The following MPP7 variants were observed in gnomAD, a reference collection of about 807,000 sequenced individuals.
MPP7 encodes the protein MAGUK p55 subfamily member 7.
In MPP7, 60 loss-of-function variants were observed where a neutral mutation model predicts 76.5. That is an observed-to-expected ratio of 0.78 (90% confidence interval 0.64 to 0.97). MPP7 has a LOEUF of 0.97. Among genes scored for constraint, MPP7 ranks in the 50% least tolerant of loss-of-function variants. The pLI is 0.00. For missense variants in MPP7, 641 were observed against 694.0 expected (o/e 0.92, Z 0.86); for synonymous variants, 237 against 244.5 (o/e 0.97, Z 0.29).
At chr10:28,231,547 C>CAAAAAAAAAAAAA (rs774583565) in intron 2 of MPP7, among the ~76,000 whole-genome samples, 2 of 129,880 alleles carry the variant, frequency 1.5e-5, no homozygotes, top group African/African-American at 2.8e-5. Context: ...ACATCAGGAC[C>CAAAAAAAAAAAAA]AAAAAAAAAA....
intron 5 of MPP7, among the ~76,000 whole-genome samples, chr10:28,141,921 A>C (rs1176861835): frequency 2.0e-5 from 3 of 152,182 alleles, no homozygotes; most frequent in Non-Finnish European, 4.4e-5. Flanking sequence ...TTCAAAACAG[A>C]TTCAGATATA....
intron 3 of MPP7, among the ~76,000 whole-genome samples, chr10:28,200,042 A>G (rs546318453): frequency 6.6e-6 from 1 of 152,316 alleles, no homozygotes; most frequent in East Asian, 1.9e-4. Context: ...GATTCACTCT[A>G]CCACAAATCT....
intron 1 of MPP7, among the ~76,000 whole-genome samples, chr10:28,264,837 T>C (rs1027048264): frequency 6.6e-6 from 1 of 152,132 alleles, no homozygotes; most frequent in African/African-American, 2.4e-5. Context: ...ATGTTCAGAA[T>C]GGTGTCTTGG....
At chr10:28,312,994 A>G (rs761821285) in intron 2 of MPP7, among the ~76,000 whole-genome samples, 1 of 152,188 alleles carries the variant, frequency 6.6e-6, no homozygotes, top group Non-Finnish European at 1.5e-5. Context: ...ATGTGCACAC[A>G]GAGGGGATGT....
chr10:28,165,896 A>C (rs181904237), intron 3 of MPP7, among the ~76,000 whole-genome samples: 1 of 151,960 alleles, frequency 6.6e-6, no homozygotes, highest in Admixed American at 6.6e-5. Flanking sequence ...GTGGTGGCGC[A>C]TGCCTGTAGT....
chr10:28,228,438 T>C (rs979165608), intron 2 of MPP7, among the ~76,000 whole-genome samples: 2 of 152,142 alleles, frequency 1.3e-5, no homozygotes, highest in African/African-American at 4.8e-5. Flanking sequence ...TGCAAACAAC[T>C]TGAACATGGG....
At chr10:28,324,334 T>C (rs1002919829) in intron 2 of MPP7, among the ~76,000 whole-genome samples, 1 of 152,194 alleles carries the variant, frequency 6.6e-6, no homozygotes, top group African/African-American at 2.4e-5. Context: ...TCTCTATAAC[T>C]GCAAGAAAGA....
intron 1 of MPP7, among the ~76,000 whole-genome samples, chr10:28,270,029 C>A (rs987419942): frequency 7.2e-5 from 11 of 152,178 alleles, no homozygotes; most frequent in Admixed American, 3.3e-4. Context: ...CCCAGAATCC[C>A]CTAGGCCTCT....
At chr10:28,275,999 C>T (rs1376751567) in intron 1 of MPP7, among the ~76,000 whole-genome samples, 1 of 151,618 alleles carries the variant, frequency 6.6e-6, no homozygotes, top group African/African-American at 2.4e-5. Context: ...GAATACTCAC[C>T]CATCCTCTTG....
chr10:28,270,498 C>A (rs1443466063), intron 1 of MPP7, among the ~76,000 whole-genome samples: 2 of 121,842 alleles, frequency 1.6e-5, no homozygotes, highest in African/African-American at 3.3e-5. Flanking sequence ...CCAGCCTGGG[C>A]AACATAACAA....
At chr10:28,155,086 A>G (rs879600699) in intron 3 of MPP7, among the ~76,000 whole-genome samples, 9 of 152,230 alleles carry the variant, frequency 5.9e-5, no homozygotes, top group South Asian at 4.2e-4. Context: ...ACAGCTTAAA[A>G]CTAGTTTTGT....
At chr10:28,064,155 G>A (rs1428398739) in intron 13 of MPP7, among the ~76,000 whole-genome samples, 1 of 152,104 alleles carries the variant, frequency 6.6e-6, no homozygotes, top group Non-Finnish European at 1.5e-5. Context: ...ATTTATAATA[G>A]CCAAAAATAG....
chr10:28,205,189 A>T (rs1270605058), intron 2 of MPP7, among the ~76,000 whole-genome samples: 4 of 152,184 alleles, frequency 2.6e-5, no homozygotes, highest in Admixed American at 2.6e-4. Context: ...AGACATGATT[A>T]AAGGAGCCAC....
chr10:28,188,984 G>T (rs571319202), intron 3 of MPP7, among the ~76,000 whole-genome samples: 62 of 148,950 alleles, frequency 4.2e-4, no homozygotes, highest in African/African-American at 1.4e-3. Context: ...TTGTCAGAGA[G>T]AAAGAAAATC....
rs148039950 is a variant in MPP7 at position 28,229,331 on chromosome 10, C to T, written c.37+9237G>A. Among the ~76,000 whole-genome samples, 62 of 152,294 alleles carry T rather than the reference C, an allele frequency of 4.1e-4. 1 individual carries two copies. The highest frequency in any genetic ancestry group is 6.8e-3 in the Middle Eastern group (2 of 294). ...TAATTTCATTGCCTCTTGCTTTCAG[C>T]GCACTGAGGAAAAAATAATAACTGC... On this transcript the variant is annotated intron_variant, in intron 2 of 16. Transcript: ENST00000683449.
chr10:28,212,513 C>T lies in MPP7; in HGVS notation c.38-10242G>A, dbSNP rs147030278. Among the ~76,000 whole-genome samples the T allele has an allele frequency of 2.2e-4, 33 of 152,256 alleles. 1 individual carries two copies. The highest frequency in any genetic ancestry group is 6.8e-3 in the Middle Eastern group (2 of 294). On this transcript the variant is annotated intron_variant, in intron 2 of 16. Coordinates refer to ENST00000683449, the MANE Select transcript of MPP7 (RefSeq NM_001318170.2). ...AGTTGAATATGGGGTCAGCAGGTCA[C>T]CAGACTGCTCTGGACTGAAAACTTA...
At chr10:28,274,189 G>A (rs1479100312) in intron 1 of MPP7, among the ~76,000 whole-genome samples, 1 of 140,490 alleles carries the variant, frequency 7.1e-6, no homozygotes, top group African/African-American at 2.7e-5. Context: ...TGCAAGCTCT[G>A]CCTCCCAGGT....
At chr10:28,249,235 TA>T (rs72184379) in intron 1 of MPP7, among the ~76,000 whole-genome samples, 30,455 of 151,970 alleles carry the variant, frequency 0.2, 3,552 homozygotes, top group East Asian at 0.54. Context: ...GATCACAACC[TA>T]AAAATATTTA....
At chr10:28,316,458 A>C (rs1378648398) in intron 2 of MPP7, among the ~76,000 whole-genome samples, 1 of 147,048 alleles carries the variant, frequency 6.8e-6, no homozygotes, top group African/African-American at 2.6e-5. Flanking sequence ...AAAAAAAAAA[A>C]AAAAAAAAAA....
Sources: allele counts gnomAD v4.1 joint callset (sites outside exome capture counted in the v4.1 genomes callset), GRCh38; gene constraint gnomAD v4.1.1; transcripts MANE v1.5; gene names NCBI Gene and HGNC (gene_info 2026-07-23, HGNC 2026-07-21).